DNAJB12: variants seen among roughly 807,000 people sequenced by gnomAD.
The protein encoded by DNAJB12 is dnaJ homolog subfamily B member 12.
DNAJB12 carries 14 observed loss-of-function variants against 40.6 expected under a neutral mutation model. The observed-to-expected ratio is 0.34, with a 90% CI of 0.23 to 0.54. The LOEUF (loss-of-function observed/expected upper bound fraction) is 0.54. DNAJB12 is among the 20% of genes least tolerant of loss of function. The probability of loss-of-function intolerance (pLI) is 0.92; values close to 1 mark genes in which losing one functional copy is unlikely to be tolerated. For synonymous variants in DNAJB12, 181 were observed against 199.5 expected (o/e 0.91, Z 0.78); for missense variants, 444 against 501.7 (o/e 0.89, Z 1.10).
Position 72,340,275 on chromosome 10 carries a change from C to T in DNAJB12, c.723+514G>A, listed in dbSNP as rs552032608. On this transcript the variant is annotated intron_variant, in intron 5 of 8. Coordinates refer to ENST00000444643, the MANE Select transcript of DNAJB12 (RefSeq NM_017626.7). Reference sequence around the variant, plus strand: ...AGGAGAATGGCTTGAACCCGGGAGGCGGAGGTTGCAGTGAGCCGAGATCGC... The same window carrying T: ...AGGAGAATGGCTTGAACCCGGGAGGTGGAGGTTGCAGTGAGCCGAGATCGC... 2.0e-3 allele frequency among the ~76,000 whole-genome samples: 301 copies of T among 151,794 alleles called. 2 individuals carry two copies. Among genetic ancestry groups the T allele is most frequent in the Middle Eastern group, 0.014 (4 of 294 alleles).
At position 72,335,079 on chromosome 10, in the gene DNAJB12, C is replaced by T; in HGVS notation, c.*31-462G>A. Reference sequence around the variant, plus strand: ...TGAACTCATGACCTTCTGTTCCCTTCCTCAGACCGCAGGCGAGATGCCTGG... The same window carrying T: ...TGAACTCATGACCTTCTGTTCCCTTTCTCAGACCGCAGGCGAGATGCCTGG... On this transcript the variant is annotated intron_variant, in intron 8 of 8. Coordinates refer to ENST00000444643, the MANE Select transcript of DNAJB12 (RefSeq NM_017626.7). This position sits in a 1 kb window ranked among gnomAD's most constrained non-coding sequence, Gnocchi z 4.4. 11 of 994,140 alleles carry T rather than the reference C, an allele frequency of 1.1e-5. No homozygotes were observed. The highest frequency in any genetic ancestry group is 1.3e-5 in the Non-Finnish European group (11 of 835,216). The allele number at this position is 994,140 out of a possible 1,614,324, so 61.6% of individuals were successfully genotyped here.
At chr10:72,340,501 C>T (rs1185152191) in intron 5 of DNAJB12, among the ~76,000 whole-genome samples, 4 of 152,250 alleles carry the variant, frequency 2.6e-5, no homozygotes, top group Non-Finnish European at 5.9e-5. Context: ...GCATGGGAGC[C>T]TCACACTCAA....
intron 6 of DNAJB12, among the ~76,000 whole-genome samples, chr10:72,337,742 C>A (rs1264467341): frequency 6.6e-6 from 1 of 152,172 alleles, no homozygotes; most frequent in African/African-American, 2.4e-5. Flanking sequence ...GTGCCCTGTT[C>A]TTTCCACAGC....
At chr10:72,336,990 G>C (rs1414342457) in intron 6 of DNAJB12, 1 of 276,850 alleles carries the variant, frequency 3.6e-6, no homozygotes, top group African/African-American at 2.2e-5. Flanking sequence ...GACCTGAGAG[G>C]GAATCTGGGC....
chr10:72,347,180 C>T (rs1307271169), intron 1 of DNAJB12, among the ~76,000 whole-genome samples: 5 of 152,034 alleles, frequency 3.3e-5, no homozygotes, highest in South Asian at 2.1e-4. Flanking sequence ...AGGCTGGTTT[C>T]GAACTCCTGA....
At chr10:72,342,439 CGGAGCA>C (rs1826995635) in intron 3 of DNAJB12, among the ~76,000 whole-genome samples, 1 of 152,232 alleles carries the variant, frequency 6.6e-6, no homozygotes, top group Non-Finnish European at 1.5e-5. Context: ...TCGGTACAGT[CGGAGCA>C]GGCTGCAGGC....
At chr10:72,343,115 T>G (rs1418837246) in intron 3 of DNAJB12, among the ~76,000 whole-genome samples, 1 of 152,220 alleles carries the variant, frequency 6.6e-6, no homozygotes, top group Non-Finnish European at 1.5e-5. Flanking sequence ...TCAGCTCTAC[T>G]ACGTAACCCC....
intron 1 of DNAJB12, among the ~76,000 whole-genome samples, chr10:72,349,087 A>G (rs1861871722): frequency 6.6e-6 from 1 of 152,148 alleles, no homozygotes; most frequent in Non-Finnish European, 1.5e-5. Flanking sequence ...AAAGCATAGA[A>G]GAGACATCAA....
In DNAJB12 at chr10:72,354,829, C is replaced by T. The variant is rs200048071; in HGVS notation, c.69G>A (p.Gln23=). Residue 23 remains glutamine (Q), a synonymous_variant, in exon 1 of 9, where the codon CAG becomes CAA. Transcript: ENST00000444643. The part of the protein sequence containing the change: ...SIALKAIQSN[Q]PDRALRFLEK... The stretch of plus-strand genomic sequence containing the variant: ...CCAGGAAGCGGAGCGCCCGGTCGGG[C>T]TGGTTGCTCTGGATGGCCTTGAGGG... 2 of 1,614,070 alleles carry T rather than the reference C, an allele frequency of 1.2e-6. No homozygotes were observed. The highest frequency in any genetic ancestry group is 1.7e-6 in the Non-Finnish European group (2 of 1,179,932).
rs773808731 is a variant in DNAJB12 at position 72,343,513 on chromosome 10, T to C, written c.312-2A>G. 6.2e-7 allele frequency: 1 copy of C among 1,614,002 alleles called. No individual in the cohort carries two copies. On this transcript the variant is annotated splice_acceptor_variant, in intron 2 of 8. Transcript: ENST00000444643. LOFTEE classifies it high-confidence loss of function. ...TAGTAATCTTTACATTGCTTGACCC[T>C]GGGGAAGGAGGAGACCATGGTACGG...
intron 5 of DNAJB12, among the ~76,000 whole-genome samples, chr10:72,339,525 C>T (rs1338343164): frequency 1.3e-5 from 2 of 150,298 alleles, no homozygotes; most frequent in East Asian, 2.0e-4. Flanking sequence ...CAGAGCGAGA[C>T]TCCATCTCAA....
In DNAJB12 at chr10:72,336,564, G is replaced by A. The variant is rs572917664; in HGVS notation, c.966C>T (p.Ile322=). Residue 322 remains isoleucine (I), a synonymous_variant, in exon 7 of 9, where the codon ATC becomes ATT. Transcript: ENST00000444643. ...TVERNVEDDY[I]ANLRNNCWKE... ...TCCAGCAGTTGTTCCGGAGGTTGGC[G>A]ATATAATCATCTTCCACATTCCGCT... 5 of 1,614,094 alleles carry A rather than the reference G, an allele frequency of 3.1e-6. No individual in the cohort carries two copies. The highest frequency in any genetic ancestry group is 3.3e-5 in the Admixed American group (2 of 60,012).
At chr10:72,342,498 TC>T (rs1861666698) in intron 3 of DNAJB12, among the ~76,000 whole-genome samples, 1 of 151,452 alleles carries the variant, frequency 6.6e-6, no homozygotes, top group Non-Finnish European at 1.5e-5. Flanking sequence ...CTACCTTGCT[TC>T]CCCCCACTCC....
In DNAJB12 at chr10:72,335,199, C is replaced by T. The variant is rs1233866277; in HGVS notation, c.*30+581G>A. On this transcript the variant is annotated intron_variant, in intron 8 of 8. Coordinates refer to ENST00000444643, the MANE Select transcript of DNAJB12 (RefSeq NM_017626.7). This position sits in a 1 kb window ranked among gnomAD's most constrained non-coding sequence, Gnocchi z 4.4. ...ACCAGAGGGGGGTGGTCAGGGCCCG[C>T]GGCCCCTGCCGCCACCAAGACTGCC... The T allele has an allele frequency of 2.0e-6, 2 of 986,630 alleles. No homozygotes were observed. Among genetic ancestry groups the T allele is most frequent in the Non-Finnish European group, 2.4e-6 (2 of 830,452 alleles). The allele number at this position is 986,630 out of a possible 1,614,324, so 61.1% of individuals were successfully genotyped here.
chr10:72,347,874 T>C (rs1422898791), intron 1 of DNAJB12, among the ~76,000 whole-genome samples: 3 of 150,442 alleles, frequency 2.0e-5, no homozygotes, highest in East Asian at 2.0e-4. Flanking sequence ...AATCATGCCA[T>C]TGCACTCCAG....
At chr10:72,334,657 C>T (rs368219491) in intron 8 of DNAJB12, 40 bp from the exon 9 acceptor site, 25 of 1,521,336 alleles carry the variant, frequency 1.6e-5, no homozygotes, top group South Asian at 1.4e-4. Flanking sequence ...GGCATTCAGG[C>T]GGCACCGGCT....
At chr10:72,350,131 G>A (rs1285896500) in intron 1 of DNAJB12, among the ~76,000 whole-genome samples, 1 of 152,102 alleles carries the variant, frequency 6.6e-6, no homozygotes, top group Non-Finnish European at 1.5e-5. Context: ...GCCGGGCAGT[G>A]GCTCACACCT....
At chr10:72,354,614 T>C in intron 1 of DNAJB12, 151 bp downstream of exon 1, 2 of 702,476 alleles carry the variant, frequency 2.8e-6, no homozygotes, top group Middle Eastern at 4.2e-4. Context: ...AGGGAAAAAC[T>C]ACGCCTCCCA....
chr10:72,338,093 C>A, intron 6 of DNAJB12, 109 bp downstream of exon 6: 2 of 892,972 alleles, frequency 2.2e-6, no homozygotes, highest in Non-Finnish European at 1.8e-6. Context: ...CAGGTTTCTG[C>A]ATTATGATCG....
Sources: allele counts gnomAD v4.1 joint callset (sites outside exome capture counted in the v4.1 genomes callset), GRCh38; gene constraint gnomAD v4.1.1; non-coding constraint Gnocchi (gnomAD v3.1); transcripts MANE v1.5; gene names NCBI Gene and HGNC (gene_info 2026-07-23, HGNC 2026-07-21).